The following LEKR1 variants were observed in gnomAD, a reference collection of about 807,000 sequenced individuals.
LEKR1 encodes protein LEKR1.
In LEKR1, 59 loss-of-function variants were observed where a neutral mutation model predicts 72.4. The ratio of observed to expected loss-of-function variants is 0.82; its 90% CI spans 0.66 to 1.01. The LOEUF is 1.01. LEKR1 is among the 50% of genes least tolerant of loss of function. The probability of loss-of-function intolerance (pLI) is 0.00; values close to 1 mark genes in which losing one functional copy is unlikely to be tolerated. For missense variants in LEKR1, 728 were observed against 759.2 expected, an observed-to-expected ratio of 0.96 and a Z score of 0.48; for synonymous variants, 257 against 263.2, an observed-to-expected ratio of 0.98 and a Z score of 0.23.
intron 4 of LEKR1, chr3:156,920,998 A>T: frequency 5.5e-6 from 1 of 181,810 alleles, no homozygotes; most frequent in Non-Finnish European, 1.1e-5. Context: ...TTCTTGGTGT[A>T]TTTGATCCTC....
intron 5 of LEKR1, among the ~76,000 whole-genome samples, chr3:156,928,261 A>C (rs2108575780): frequency 6.6e-6 from 1 of 152,174 alleles, no homozygotes; most frequent in South Asian, 2.1e-4. Flanking sequence ...AATGTACAAC[A>C]TGAAGACTGA....
At chr3:157,005,377 A>C (rs532879085) in intron 9 of LEKR1, among the ~76,000 whole-genome samples, 1 of 152,238 alleles carries the variant, frequency 6.6e-6, no homozygotes, top group Admixed American at 6.5e-5. Context: ...CCAAGCATTT[A>C]AGGAAAAGAT....
intron 12 of LEKR1, among the ~76,000 whole-genome samples, chr3:157,044,663 A>G (rs976793324): frequency 6.6e-6 from 1 of 152,232 alleles, no homozygotes; most frequent in African/African-American, 2.4e-5. Flanking sequence ...CAGGGACTGT[A>G]TTCACTACAG....
rs571426157 is a variant in LEKR1 at position 156,921,255 on chromosome 3, T to C, written c.383+561T>C. ...GTTTATGAGAAAGAATAGTTCCTTT[T>C]TGAATTGAATAACTTTTAGCTCTTA... On this transcript the variant is annotated intron_variant, in intron 4 of 12. Transcript: ENST00000356539. 2.6e-5 allele frequency among the ~76,000 whole-genome samples: 4 copies of C among 152,230 alleles called. No individual in the cohort carries two copies. The South Asian group carries it at 8.3e-4, about 32-fold the overall frequency.
At chr3:156,958,126 G>A (rs977257857) in intron 6 of LEKR1, among the ~76,000 whole-genome samples, 8 of 152,066 alleles carry the variant, frequency 5.3e-5, no homozygotes, top group Non-Finnish European at 8.8e-5. Context: ...ACTTCACTAC[G>A]TACCTATCTG....
intron 9 of LEKR1, among the ~76,000 whole-genome samples, chr3:157,008,246 A>G (rs1732619003): frequency 1.3e-5 from 2 of 152,198 alleles, no homozygotes; most frequent in Non-Finnish European, 2.9e-5. Flanking sequence ...GCTGGATGAC[A>G]CTGCCTTGTT....
At chr3:156,994,028 T>A (rs912793082) in intron 9 of LEKR1, among the ~76,000 whole-genome samples, 4 of 152,076 alleles carry the variant, frequency 2.6e-5, no homozygotes, top group Non-Finnish European at 5.9e-5. Context: ...GATATAATTA[T>A]TATATTAACT....
intron 6 of LEKR1, among the ~76,000 whole-genome samples, chr3:156,969,803 G>A (rs577603225): frequency 6.6e-6 from 1 of 152,238 alleles, no homozygotes; most frequent in Non-Finnish European, 1.5e-5. Flanking sequence ...ACCAAAGCCT[G>A]GCAGAGACAC....
intron 5 of LEKR1, among the ~76,000 whole-genome samples, chr3:156,930,193 T>G (rs1422029708): frequency 6.6e-6 from 1 of 151,990 alleles, no homozygotes; most frequent in Non-Finnish European, 1.5e-5. Context: ...ATCAGTGAAT[T>G]TAAAGATAAA....
intron 3 of LEKR1, among the ~76,000 whole-genome samples, chr3:156,899,559 C>T (rs1228683637): frequency 7.4e-6 from 1 of 135,342 alleles, no homozygotes; most frequent in Admixed American, 7.6e-5. Flanking sequence ...CACATATATA[C>T]ATATACATGT....
chr3:156,906,359 A>G (rs1287886921), intron 3 of LEKR1, among the ~76,000 whole-genome samples: 1 of 152,232 alleles, frequency 6.6e-6, no homozygotes, highest in African/African-American at 2.4e-5. Context: ...ATACTGAAGG[A>G]TAATAAATGT....
At chr3:157,035,085 A>G (rs1734868324) in intron 12 of LEKR1, among the ~76,000 whole-genome samples, 1 of 152,208 alleles carries the variant, frequency 6.6e-6, no homozygotes, top group Non-Finnish European at 1.5e-5. Context: ...TAGCAGTAAA[A>G]TATCTTTAAA....
rs1401101286 is a variant in LEKR1 at position 156,829,386 on chromosome 3, T to C, written c.48+9T>C. ...CTGAAGAAATCCAAAAGGTATGATA[T>C]ATTGTGTTGCTACAGCCTAACAGTG... On this transcript the variant is annotated intron_variant, in intron 2 of 12. Transcript: ENST00000356539. 3 of 1,527,694 alleles carry C rather than the reference T, an allele frequency of 2.0e-6. No homozygotes were observed. The highest frequency in any genetic ancestry group is 2.5e-5 in the East Asian group (1 of 40,604). 94.6% of individuals were successfully genotyped at this position (1,527,694 alleles called of 1,614,324 possible).
intron 3 of LEKR1, among the ~76,000 whole-genome samples, chr3:156,874,662 T>C (rs1560042521): frequency 6.6e-6 from 1 of 152,134 alleles, no homozygotes; most frequent in African/African-American, 2.4e-5. Context: ...CTGTACCCAG[T>C]GTGTAGTCTT....
intron 2 of LEKR1, among the ~76,000 whole-genome samples, chr3:156,835,795 CCCTTCCTTCCTT>C (rs202017972): frequency 1.3e-5 from 2 of 150,592 alleles, no homozygotes; most frequent in African/African-American, 4.9e-5. Context: ...ATTCCTTCCT[CCCTTCCTTCCTT>C]CCTTCCTTCC....
At chr3:156,874,876 T>C (rs1718382511) in intron 3 of LEKR1, among the ~76,000 whole-genome samples, 1 of 152,246 alleles carries the variant, frequency 6.6e-6, no homozygotes, top group Non-Finnish European at 1.5e-5. Context: ...TTATTCCTTT[T>C]TATGGCTGAG....
At chr3:156,965,735 G>T (rs1323189774) in intron 6 of LEKR1, among the ~76,000 whole-genome samples, 2 of 152,136 alleles carry the variant, frequency 1.3e-5, no homozygotes, top group Non-Finnish European at 1.5e-5. Context: ...AATTATGTAA[G>T]TGGCTGTATT....
chr3:156,859,260 TTCTGTC>T (rs1291658828), intron 3 of LEKR1, among the ~76,000 whole-genome samples: 1 of 152,186 alleles, frequency 6.6e-6, no homozygotes, highest in Non-Finnish European at 1.5e-5. Context: ...ATTTATCAGT[TTCTGTC>T]TATGTCAAAA....
chr3:156,852,429 G>A (rs1008858404), intron 2 of LEKR1, among the ~76,000 whole-genome samples: 4 of 152,126 alleles, frequency 2.6e-5, no homozygotes, highest in Non-Finnish European at 5.9e-5. Flanking sequence ...CTCCCACTTC[G>A]TGGAAAATTC....
Sources: gnomAD v4.1 joint callset for allele counts (sites outside exome capture counted in the v4.1 genomes callset) on GRCh38, gnomAD v4.1.1 for gene constraint, MANE v1.5 for transcripts, NCBI Gene and HGNC (gene_info 2026-07-23, HGNC 2026-07-21) for gene names.